BACE2: variants seen among roughly 807,000 people sequenced by gnomAD.
BACE2 encodes 56 kDa aspartic-like protease.
BACE2 carries 17 observed loss-of-function variants against 46.2 expected under a neutral mutation model. The ratio of observed to expected loss-of-function variants is 0.37; its 90% CI spans 0.25 to 0.55. The LOEUF is 0.55. BACE2 is among the 20% of genes least tolerant of loss of function. The probability of loss-of-function intolerance (pLI) is 0.82; values close to 1 mark genes in which losing one functional copy is unlikely to be tolerated. For synonymous variants in BACE2, 277 were observed against 295.9 expected (o/e 0.94, Z 0.66); for missense variants, 595 against 698.1 (o/e 0.85, Z 1.66).
intron 1 of BACE2, among the ~76,000 whole-genome samples, chr21:41,188,591 G>A (rs150125818): frequency 2.2e-4 from 33 of 152,336 alleles, no homozygotes; most frequent in African/African-American, 7.9e-4. Flanking sequence ...ACATACCATA[G>A]GGAAGGAATG....
chr21:41,230,676 G>A (rs1168358693), intron 2 of BACE2, among the ~76,000 whole-genome samples: 2 of 152,184 alleles, frequency 1.3e-5, no homozygotes, highest in Non-Finnish European at 2.9e-5. Context: ...ACATGTTACA[G>A]TAATTGGAGA....
intron 6 of BACE2, 143 bp downstream of exon 6, chr21:41,246,206 T>C: frequency 2.1e-6 from 1 of 476,952 alleles, no homozygotes; most frequent in Non-Finnish European, 3.7e-6. Context: ...ATATTTTATA[T>C]GTAATAGTAT....
At chr21:41,263,843 G>A (rs1448779591) in intron 8 of BACE2, among the ~76,000 whole-genome samples, 1 of 152,162 alleles carries the variant, frequency 6.6e-6, no homozygotes, top group African/African-American at 2.4e-5. Flanking sequence ...TTCCCATCGT[G>A]CTATACCCTT....
intron 8 of BACE2, among the ~76,000 whole-genome samples, chr21:41,269,352 G>A (rs544205047): frequency 2.2e-4 from 34 of 152,296 alleles, no homozygotes; most frequent in Non-Finnish European, 4.3e-4. Flanking sequence ...AAACAGCTTT[G>A]TTGGGATATA....
intron 2 of BACE2, among the ~76,000 whole-genome samples, chr21:41,236,053 G>A (rs1019552087): frequency 3.3e-5 from 5 of 152,332 alleles, no homozygotes; most frequent in Non-Finnish European, 5.9e-5. Context: ...ATGATCTACT[G>A]GGTGATTTGA....
chr21:41,226,116 T>C (rs778974920), intron 1 of BACE2, 150 bp from the exon 2 acceptor site: 1 of 629,404 alleles, frequency 1.6e-6, no homozygotes, highest in Non-Finnish European at 2.8e-6. Context: ...TTATAATAGC[T>C]TTTTCTATTC....
chr21:41,264,901 T>G (rs1988029339), intron 8 of BACE2, among the ~76,000 whole-genome samples: 1 of 152,144 alleles, frequency 6.6e-6, no homozygotes, highest in Admixed American at 6.5e-5. Context: ...GGAAGATCAC[T>G]TGAGGCCAGG....
At chr21:41,247,851 A>G (rs1987518242) in intron 6 of BACE2, among the ~76,000 whole-genome samples, 1 of 152,214 alleles carries the variant, frequency 6.6e-6, no homozygotes, top group African/African-American at 2.4e-5. Context: ...AAGCATCACA[A>G]GGGCGCGTTG....
chr21:41,275,506 G>A lies in BACE2; in HGVS notation c.1439G>A (p.Gly480Glu). 1.2e-6 allele frequency: 2 copies of A among 1,614,060 alleles called. No homozygotes were observed. Among genetic ancestry groups the A allele is most frequent in the Non-Finnish European group, 1.7e-6 (2 of 1,180,018 alleles). ...IVSYALMSVCGAILLVLIVLL... is the reference protein window; with the variant it reads ...IVSYALMSVCEAILLVLIVLL... ...TCCTATGCGCTCATGAGCGTCTGTG[G>A]AGCCATCCTCCTTGTCTTAATCGTC... Residue 480 changes from glycine to glutamate, a missense_variant, in exon 9 of 9, where the codon GGA (glycine) becomes GAA (glutamate). This residue lies in a region of BACE2 where 343 missense variants were observed against 419.4 expected (regional missense o/e 0.82). Transcript: ENST00000330333.
intron 2 of BACE2, among the ~76,000 whole-genome samples, chr21:41,231,266 C>T (rs560196374): frequency 6.6e-6 from 1 of 152,332 alleles, no homozygotes; most frequent in East Asian, 1.9e-4. Context: ...CCAGGCTGGG[C>T]AGGCTGAGCT....
intron 1 of BACE2, among the ~76,000 whole-genome samples, chr21:41,198,894 T>G (rs529898566): frequency 3.4e-5 from 5 of 148,976 alleles, no homozygotes; most frequent in Non-Finnish European, 3.0e-5. Context: ...TATTATACTT[T>G]AAGTTCTAGG....
At chr21:41,203,357 G>A (rs938107310) in intron 1 of BACE2, among the ~76,000 whole-genome samples, 26 of 152,234 alleles carry the variant, frequency 1.7e-4, no homozygotes, top group African/African-American at 6.0e-4. Flanking sequence ...GCTTGGGGAA[G>A]GGTGTCCAGG....
chr21:41,234,895 G>A (rs1356705715), intron 2 of BACE2, among the ~76,000 whole-genome samples: 1 of 152,132 alleles, frequency 6.6e-6, no homozygotes, highest in African/African-American at 2.4e-5. Flanking sequence ...TTTTGTACCT[G>A]CCCATTGTCG....
chr21:41,237,778 C>T (rs908997547), intron 3 of BACE2, 49 bp downstream of exon 3: 1 of 1,523,160 alleles, frequency 6.6e-7, no homozygotes, highest in Non-Finnish European at 9.1e-7. Context: ...GGATGAGATT[C>T]TGAAAATCAG....
chr21:41,179,078 G>C (rs1984969845), intron 1 of BACE2: 1 of 1,177,476 alleles, frequency 8.5e-7, no homozygotes, highest in South Asian at 1.5e-5. Context: ...GGGTGTCAGG[G>C]TGAGGAGTGA....
intron 8 of BACE2, among the ~76,000 whole-genome samples, chr21:41,266,210 A>T (rs565655117): frequency 3.9e-5 from 6 of 152,090 alleles, no homozygotes; most frequent in South Asian, 2.1e-4. Context: ...GTTTAGTTTT[A>T]AAAAAATTGT....
chr21:41,215,293 G>A (rs1205823729), intron 1 of BACE2, among the ~76,000 whole-genome samples: 3 of 152,204 alleles, frequency 2.0e-5, no homozygotes, highest in Admixed American at 2.0e-4. Flanking sequence ...ATTAGCCACT[G>A]AGTTCCTGCA....
intron 1 of BACE2, among the ~76,000 whole-genome samples, chr21:41,218,952 T>A (rs759014099): frequency 3.3e-4 from 50 of 150,728 alleles, no homozygotes; most frequent in Non-Finnish European, 6.5e-4. Context: ...AACCTCCGCC[T>A]CCCGGGTTCA....
At chr21:41,234,339 T>C (rs1051340822) in intron 2 of BACE2, among the ~76,000 whole-genome samples, 2 of 152,212 alleles carry the variant, frequency 1.3e-5, no homozygotes, top group Non-Finnish European at 2.9e-5. Context: ...TATCACAGTG[T>C]AAAAACAGAC....
Sources: allele counts gnomAD v4.1 joint callset (sites outside exome capture counted in the v4.1 genomes callset), GRCh38; gene constraint gnomAD v4.1.1; regional missense constraint gnomAD v4.1.1; transcripts MANE v1.5; gene names NCBI Gene and HGNC (gene_info 2026-07-23, HGNC 2026-07-21).